Variants in RAD50 observed in about 807,000 individuals in gnomAD.
RAD50 encodes the protein DNA repair protein RAD50.
In RAD50, 132 loss-of-function variants were observed where a neutral mutation model predicts 168.8. The ratio of observed to expected loss-of-function variants is 0.78; its 90% CI spans 0.68 to 0.90. The LOEUF (loss-of-function observed/expected upper bound fraction) is 0.90. Ranked by LOEUF, RAD50 falls within the 40% of genes least tolerant of loss-of-function variation. The pLI, the probability that RAD50 is intolerant of heterozygous loss-of-function variation, is 0.00. For missense variants in RAD50, 1,347 were observed against 1,534.4 expected (o/e 0.88, Z 2.04); for synonymous variants, 525 against 497.4 (o/e 1.06, Z -0.74).
chr5:132,583,305 TA>T (rs35318926), intron 5 of RAD50, among the ~76,000 whole-genome samples: 29,514 of 152,052 alleles, frequency 0.19, 2,919 homozygotes, highest in South Asian at 0.22. Flanking sequence ...ACAGTGGAAA[TA>T]AGGGTTAAAG....
At chr5:132,581,481 T>C (rs995068710) in intron 5 of RAD50, among the ~76,000 whole-genome samples, 1 of 152,208 alleles carries the variant, frequency 6.6e-6, no homozygotes, top group Non-Finnish European at 1.5e-5. Context: ...AAAAAAGTTA[T>C]AAAAGGATAT....
chr5:132,576,680 CCTT>C (rs557228483), intron 3 of RAD50, among the ~76,000 whole-genome samples: 170 of 152,308 alleles, frequency 1.1e-3, no homozygotes, highest in African/African-American at 4.0e-3. Flanking sequence ...CTACCTGTCT[CCTT>C]CTTCTCCTTT....
chr5:132,590,568 T>C (rs567038809), intron 9 of RAD50, among the ~76,000 whole-genome samples: 11 of 152,366 alleles, frequency 7.2e-5, no homozygotes, highest in African/African-American at 2.6e-4. Flanking sequence ...TGCTGTATTA[T>C]TACTTTTTCT....
At chr5:132,595,549 A>G (rs377278124) in intron 12 of RAD50, 24 bp from the exon 13 acceptor site, 2 of 1,479,886 alleles carry the variant, frequency 1.4e-6, no homozygotes, top group Non-Finnish European at 1.9e-6. Flanking sequence ...CTCATTGGTG[A>G]TATAATTTAT....
chr5:132,575,250 C>A (rs1020522227), intron 2 of RAD50, among the ~76,000 whole-genome samples: 2 of 152,210 alleles, frequency 1.3e-5, no homozygotes, highest in African/African-American at 4.8e-5. Flanking sequence ...CAAGTCACAT[C>A]TTACATGGAC....
chr5:132,604,440 A>T (rs1024032214), intron 15 of RAD50, among the ~76,000 whole-genome samples: 2 of 151,440 alleles, frequency 1.3e-5, no homozygotes, highest in African/African-American at 4.9e-5. Context: ...TAATTTTTGT[A>T]TTTTTTCGTA....
chr5:132,616,706 G>A (rs6894017), intron 20 of RAD50, among the ~76,000 whole-genome samples: 39,149 of 152,054 alleles, frequency 0.26, 5,560 homozygotes, highest in African/African-American at 0.38. Flanking sequence ...TAGGAATTCT[G>A]TAAGAACCTT....
In RAD50 at chr5:132,589,820, C is replaced by T; in HGVS notation, c.1435C>T (p.Gln479Ter). 1 of 1,612,262 alleles carries T rather than the reference C, an allele frequency of 6.2e-7. No individual in the cohort carries two copies. The highest frequency in any genetic ancestry group is 1.1e-5 in the South Asian group (1 of 90,882). ...TTCAGACAGGATTCTTGAACTGGAC[C>T]AGGAGCTCATAAAAGCTGTAAGATA... is the stretch of plus-strand genomic sequence containing the variant. Reference protein sequence around the residue: ...GSSDRILELDQELIKAERELS... With the variant: ...GSSDRILELD The change falls in exon 9 of 25, where the codon CAG (glutamine) becomes TAG (stop). Residue 479 changes from glutamine to a stop codon, truncating the protein, a stop_gained. Transcript: ENST00000378823. LOFTEE classifies it high-confidence loss of function.
At chr5:132,621,209 T>G (rs2149855486) in intron 21 of RAD50, among the ~76,000 whole-genome samples, 1 of 152,316 alleles carries the variant, frequency 6.6e-6, no homozygotes, top group African/African-American at 2.4e-5. Context: ...GCCTCTCAGC[T>G]TCTACCCCAG....
chr5:132,600,976 G>A (rs139392093), intron 13 of RAD50, among the ~76,000 whole-genome samples: 1 of 151,898 alleles, frequency 6.6e-6, no homozygotes, highest in Non-Finnish European at 1.5e-5. Flanking sequence ...TGTGAATCGT[G>A]AGAAAAATTA....
At chr5:132,603,865 A>C in intron 14 of RAD50, 55 bp from the exon 15 acceptor site, 1 of 1,440,678 alleles carries the variant, frequency 6.9e-7, no homozygotes, top group South Asian at 1.2e-5. Context: ...ATTTTTAAAG[A>C]TTTTGAATAA....
chr5:132,575,344 A>G (rs1750374536), intron 2 of RAD50, among the ~76,000 whole-genome samples: 1 of 152,156 alleles, frequency 6.6e-6, no homozygotes, highest in Non-Finnish European at 1.5e-5. Context: ...CTGTCACAAG[A>G]ACAGCATGGG....
rs876658808 is a variant in RAD50 at position 132,575,795 on chromosome 5, G to A, written c.232G>A (p.Val78Met). Residue 78 changes from valine (V) to methionine (M), a missense_variant, in exon 3 of 25, where the codon GTG becomes ATG. Val to Met is a conservative substitution (Grantham distance 21, BLOSUM62 1). Transcript: ENST00000378823. ...TTCAAAGGTTGCTCAAGAAACAGAT[G>A]TGAGAGCCCAGATTCGTCTGCAATT... ...HDPKVAQETD[V>M]RAQIRLQFRD... The A allele has an allele frequency of 1.9e-6, 3 of 1,598,108 alleles. No individual in the cohort carries two copies. The highest frequency in any genetic ancestry group is 1.7e-6 in the Non-Finnish European group (2 of 1,165,422).
At chr5:132,562,568 A>G (rs1434007548) in intron 2 of RAD50, among the ~76,000 whole-genome samples, 2 of 151,614 alleles carry the variant, frequency 1.3e-5, no homozygotes, top group Non-Finnish European at 2.9e-5. Flanking sequence ...TTATTATAAT[A>G]GGGGCACTAT....
chr5:132,566,929 C>T (rs1413888369), intron 2 of RAD50, among the ~76,000 whole-genome samples: 1 of 152,170 alleles, frequency 6.6e-6, no homozygotes, highest in Non-Finnish European at 1.5e-5. Context: ...CCTGAGCTGT[C>T]CTAGATAGGT....
chr5:132,619,783 CCTCT>C (rs550575815), intron 21 of RAD50, among the ~76,000 whole-genome samples: 292 of 125,708 alleles, frequency 2.3e-3, no homozygotes, highest in Admixed American at 3.1e-3. Flanking sequence ...CTTCCCTACT[CCTCT>C]CTCTCTCTCT....
chr5:132,605,422 G>C (rs944473262), intron 16 of RAD50, among the ~76,000 whole-genome samples: 2 of 152,034 alleles, frequency 1.3e-5, no homozygotes, highest in African/African-American at 4.8e-5. Context: ...CTCACTCACT[G>C]CAGCCTCGAC....
intron 8 of RAD50, 47 bp from the exon 9 acceptor site, chr5:132,589,584 A>C: frequency 7.0e-7 from 1 of 1,430,238 alleles, no homozygotes; most frequent in Non-Finnish European, 9.5e-7. Context: ...AAAAAACTTA[A>C]ATTGTTTAGT....
chr5:132,569,034 A>G (rs1409494160), intron 2 of RAD50, among the ~76,000 whole-genome samples: 1 of 152,206 alleles, frequency 6.6e-6, no homozygotes, highest in Non-Finnish European at 1.5e-5. Flanking sequence ...CTTTCACCCA[A>G]CAATACAAAA....
Sources: gnomAD v4.1 joint callset for allele counts (sites outside exome capture counted in the v4.1 genomes callset) on GRCh38, gnomAD v4.1.1 for gene constraint, MANE v1.5 for transcripts, NCBI Gene and HGNC (gene_info 2026-07-23, HGNC 2026-07-21) for gene names.